The following IL1R1 variants were observed in gnomAD, a reference collection of about 807,000 sequenced individuals.
The protein encoded by IL1R1 is interleukin 1 receptor type 1.
A neutral mutation model predicts 50.2 loss-of-function variants in IL1R1; 22 were observed. That is an observed-to-expected ratio of 0.44 (90% CI 0.31 to 0.63). The LOEUF (loss-of-function observed/expected upper bound fraction) is 0.63. Among genes scored for constraint, IL1R1 ranks in the 20% least tolerant of loss-of-function variants. IL1R1 has a pLI of 0.07. For missense variants in IL1R1, 509 were observed against 676.2 expected (o/e 0.75, Z 2.74); for synonymous variants, 251 against 236.7 (o/e 1.06, Z -0.55).
chr2:102,161,094 C>G (rs576551654), intron 3 of IL1R1, among the ~76,000 whole-genome samples: 1 of 152,284 alleles, frequency 6.6e-6, no homozygotes, highest in East Asian at 1.9e-4. Flanking sequence ...CAGTTTCCCT[C>G]TAAGTACTGC....
rs3917325 is a variant in IL1R1, at chr2:102,177,447, T to G, written c.*688T>G. 0.052 allele frequency: 8,005 copies of G among 154,730 alleles called. 259 individuals are homozygous for G. Among genetic ancestry groups the G allele is most frequent in the Middle Eastern group, 0.15 (288 of 1,918 alleles). The allele number at this position is 154,730 out of a possible 1,614,324, so 9.6% of individuals were successfully genotyped here. On this transcript the variant is annotated 3_prime_UTR_variant, in exon 12 of 12. Transcript: ENST00000410023. ...GGGGACCCTGTAGAGTCACTGACCC[T>G]GGAGCGGCTCTCCTGAGAGGTGCTG...
intron 1 of IL1R1, among the ~76,000 whole-genome samples, chr2:102,113,044 T>TA (rs1244726412): frequency 6.6e-6 from 1 of 152,222 alleles, no homozygotes; most frequent in Non-Finnish European, 1.5e-5. Flanking sequence ...ACCGTGATCT[T>TA]ACACTTCCAG....
In IL1R1 at chr2:102,174,656, T is replaced by C; in HGVS notation, c.1061T>C (p.Phe354Ser). Residue 354 changes from phenylalanine (F) to serine (S), a missense_variant, in exon 10 of 12, where the codon TTC (phenylalanine) becomes TCC (serine). Phe to Ser is a radical substitution (Grantham distance 155, BLOSUM62 -2). Transcript: ENST00000410023. ...TLTVIIVCSV[F>S]IYKIFKIDIV... ...ACAGTCATAATTGTGTGTTCTGTTTTCATCTATAAAATCTTCAAGATTGAC... is the reference window on the plus strand; with the variant it reads ...ACAGTCATAATTGTGTGTTCTGTTTCCATCTATAAAATCTTCAAGATTGAC... The C allele has an allele frequency of 2.5e-6, 4 of 1,612,420 alleles. No homozygotes were observed. The highest frequency in any genetic ancestry group is 3.4e-6 in the Non-Finnish European group (4 of 1,179,146).
upstream of IL1R1, among the ~76,000 whole-genome samples, chr2:102,138,463 T>C (rs140677400): frequency 1.8e-4 from 28 of 152,348 alleles, no homozygotes; most frequent in East Asian, 4.0e-3. Flanking sequence ...TATGACCGTC[T>C]TATGAAATAT....
At chr2:102,098,321 C>T (rs1487548837) in intron 1 of IL1R1, among the ~76,000 whole-genome samples, 1 of 152,108 alleles carries the variant, frequency 6.6e-6, no homozygotes, top group Non-Finnish European at 1.5e-5. Flanking sequence ...CACTGGTTCT[C>T]TTTAAATCAG....
intron 1 of IL1R1, among the ~76,000 whole-genome samples, chr2:102,108,877 C>T (rs1200345833): frequency 6.6e-6 from 1 of 151,216 alleles, no homozygotes; most frequent in African/African-American, 2.4e-5. Flanking sequence ...ACTCTGACTC[C>T]CAGCTCAGTG....
intron 1 of IL1R1, among the ~76,000 whole-genome samples, chr2:102,092,033 A>G (rs1012583930): frequency 2.6e-5 from 4 of 152,180 alleles, no homozygotes; most frequent in African/African-American, 9.7e-5. Context: ...TTACTCTGCC[A>G]TTTCCAAAGC....
Position 102,171,935 on chromosome 2 carries a change from T to A in IL1R1, c.839+17T>A. On this transcript the variant is annotated intron_variant, in intron 8 of 11. Coordinates refer to ENST00000410023, the MANE Select transcript of IL1R1 (RefSeq NM_000877.4). Reference sequence around the variant, plus strand: ...CTATTACAGGTATGTATGCTAAGAGTTATTCACATTTTGGTGTTAAATCCC... The same window carrying A: ...CTATTACAGGTATGTATGCTAAGAGATATTCACATTTTGGTGTTAAATCCC... 7.5e-7 allele frequency: 1 copy of A among 1,328,876 alleles called. No homozygotes were observed. The highest frequency in any genetic ancestry group is 1.1e-6 in the Non-Finnish European group (1 of 946,934). 82.3% of individuals were successfully genotyped at this position (1,328,876 alleles called of 1,614,324 possible).
intron 1 of IL1R1, among the ~76,000 whole-genome samples, chr2:102,110,298 C>T (rs578174049): frequency 1.3e-5 from 2 of 152,258 alleles, no homozygotes; most frequent in Non-Finnish European, 2.9e-5. Context: ...GGCAATGTTG[C>T]GACCAGTGGC....
intron 2 of IL1R1, among the ~76,000 whole-genome samples, chr2:102,156,744 C>A (rs2104524932): frequency 6.6e-6 from 1 of 152,242 alleles, no homozygotes; most frequent in Middle Eastern, 3.4e-3. Flanking sequence ...AAGTCCTGGC[C>A]TCAAGTGATC....
chr2:102,176,875 C>A lies in IL1R1; in HGVS notation c.*116C>A. ...GGAATGTAACTATATCATCCTTTAT[C>A]CCTGAGGTCACCTGGAATCAGATTA... On this transcript the variant is annotated 3_prime_UTR_variant, in exon 12 of 12. Coordinates refer to ENST00000410023, the MANE Select transcript of IL1R1 (RefSeq NM_000877.4). 1 of 984,466 alleles carries A rather than the reference C, an allele frequency of 1.0e-6. No individual in the cohort carries two copies. 61.0% of individuals were successfully genotyped at this position (984,466 alleles called of 1,614,324 possible).
chr2:102,119,522 C>G (rs1278281025), intron 1 of IL1R1, among the ~76,000 whole-genome samples: 1 of 152,208 alleles, frequency 6.6e-6, no homozygotes, highest in Non-Finnish European at 1.5e-5. Flanking sequence ...CCCTGATCCA[C>G]TTGGTGCTCA....
At chr2:102,105,156 C>T (rs948533413) in intron 1 of IL1R1, among the ~76,000 whole-genome samples, 2 of 152,092 alleles carry the variant, frequency 1.3e-5, no homozygotes, top group Non-Finnish European at 2.9e-5. Flanking sequence ...TACTTTATAA[C>T]TGTATATTAC....
chr2:102,147,747 T>C (rs937835164), intron 1 of IL1R1, among the ~76,000 whole-genome samples: 5 of 152,192 alleles, frequency 3.3e-5, no homozygotes, highest in Non-Finnish European at 7.4e-5. Context: ...TTGCCACTTT[T>C]GCCCTTAAAA....
chr2:102,144,689 C>A (rs1267159023), intron 1 of IL1R1, among the ~76,000 whole-genome samples: 4 of 152,156 alleles, frequency 2.6e-5, no homozygotes, highest in African/African-American at 9.7e-5. Flanking sequence ...AGGATGTCAG[C>A]AGTCTCTCTT....
At chr2:102,111,040 G>C (rs1045802509) in intron 1 of IL1R1, among the ~76,000 whole-genome samples, 1 of 152,204 alleles carries the variant, frequency 6.6e-6, no homozygotes, top group African/African-American at 2.4e-5. Context: ...ATGAGAAGCA[G>C]AAAGCAGCTC....
rs544573300 is a variant in IL1R1, at chr2:102,114,603, T to C, written c.-84+9731T>C. ...AGAAGGGGAGGTTACATTTTTGCTATTGTGATAATGTGGGAAATTACACTC... is the reference window on the plus strand; with the variant it reads ...AGAAGGGGAGGTTACATTTTTGCTACTGTGATAATGTGGGAAATTACACTC... On this transcript the variant is annotated intron_variant, in intron 1 of 10. Coordinates refer to the IL1R1 transcript ENST00000409329. Among the ~76,000 whole-genome samples, 10 of 152,356 alleles carry C rather than the reference T, an allele frequency of 6.6e-5. No individual in the cohort carries two copies. The Middle Eastern group carries it at 0.01, about 155-fold the overall frequency.
chr2:102,084,440 G>A (rs1466450418), intron 1 of IL1R1, among the ~76,000 whole-genome samples: 1 of 152,130 alleles, frequency 6.6e-6, no homozygotes, highest in South Asian at 2.1e-4. Flanking sequence ...AATCCTGGTT[G>A]AGAAATTATC....
chr2:102,157,987 C>G (rs1278547249), intron 3 of IL1R1, among the ~76,000 whole-genome samples: 1 of 152,222 alleles, frequency 6.6e-6, no homozygotes, highest in East Asian at 1.9e-4. Flanking sequence ...GAGTGGGAAA[C>G]TGAGGCCTAG....
Sources: allele counts gnomAD v4.1 joint callset (sites outside exome capture counted in the v4.1 genomes callset), GRCh38; gene constraint gnomAD v4.1.1; transcripts MANE v1.5; gene names NCBI Gene and HGNC (gene_info 2026-07-23, HGNC 2026-07-21).